The following CFAP58 variants were observed in gnomAD, a reference collection of about 807,000 sequenced individuals.
CFAP58 encodes cilia- and flagella-associated protein 58.
In CFAP58, 88 loss-of-function variants were observed where a neutral mutation model predicts 119.5. The ratio of observed to expected loss-of-function variants is 0.74; its 90% CI spans 0.62 to 0.88. CFAP58 has a LOEUF of 0.88. CFAP58 is among the 40% of genes least tolerant of loss of function. The pLI, the probability that CFAP58 is intolerant of heterozygous loss-of-function variation, is 0.00. For synonymous variants in CFAP58, 365 were observed against 366.3 expected, an observed-to-expected ratio of 1.00 and a Z score of 0.04; for missense variants, 990 against 1,021.2, an observed-to-expected ratio of 0.97 and a Z score of 0.42.
At chr10:104,393,876 C>T (rs2012102327) in intron 11 of CFAP58, among the ~76,000 whole-genome samples, 2 of 152,196 alleles carry the variant, frequency 1.3e-5, no homozygotes, top group African/African-American at 2.4e-5. Context: ...CTCCCAAACT[C>T]CTCCCTGGGA....
At chr10:104,340,524 C>T in the CFAP58 span, among the ~76,000 whole-genome samples, 1 of 152,224 alleles carries the variant, frequency 6.6e-6, no homozygotes, top group East Asian at 1.9e-4. Flanking sequence ...CCCCTCCTGT[C>T]GTTTCTACAG....
Position 104,358,516 on chromosome 10 carries a change from C to A in CFAP58, c.185C>A (p.Ala62Asp). The A allele has an allele frequency of 1.2e-6, 2 of 1,614,046 alleles. No homozygotes were observed. Among genetic ancestry groups the A allele is most frequent in the Non-Finnish European group, 1.7e-6 (2 of 1,179,994 alleles). ...KSYDNEKRLM[A>D]KCRELNAEIV... ...TATGACAATGAAAAGCGTCTGATGGCCAAATGCAGAGAGCTAAATGCAGAG... is the reference window on the plus strand; with the variant it reads ...TATGACAATGAAAAGCGTCTGATGGACAAATGCAGAGAGCTAAATGCAGAG... The change falls in exon 2 of 18, where the codon GCC becomes GAC. Residue 62 changes from alanine (A) to aspartate (D), a missense_variant. By Grantham distance (126) the Ala-to-Asp change is moderately radical. Transcript: ENST00000369704.
intron 1 of CFAP58, among the ~76,000 whole-genome samples, chr10:104,357,999 A>G (rs1482912275): frequency 1.5e-5 from 2 of 134,756 alleles, no homozygotes; most frequent in Non-Finnish European, 3.2e-5. Context: ...ATATATGTAC[A>G]CATATATACA....
At chr10:104,417,691 T>C (rs1214393727) in intron 15 of CFAP58, among the ~76,000 whole-genome samples, 3 of 152,156 alleles carry the variant, frequency 2.0e-5, no homozygotes, top group East Asian at 1.9e-4. Flanking sequence ...CTCACATCGA[T>C]TGAATGCTGA....
intron 11 of CFAP58, among the ~76,000 whole-genome samples, chr10:104,397,526 G>T (rs189462836): frequency 6.6e-6 from 1 of 152,220 alleles, no homozygotes; most frequent in Non-Finnish European, 1.5e-5. Context: ...GGCAGAGACA[G>T]ACCGTAACTA....
chr10:104,380,508 C>T (rs966734744), intron 9 of CFAP58, among the ~76,000 whole-genome samples: 8 of 152,080 alleles, frequency 5.3e-5, no homozygotes, highest in African/African-American at 1.9e-4. Flanking sequence ...TGTGCAGCAT[C>T]CCTGGGCTGG....
At chr10:104,366,054 A>G (rs753140294) in intron 5 of CFAP58, 46 bp downstream of exon 5, 17 of 1,457,750 alleles carry the variant, frequency 1.2e-5, no homozygotes, top group South Asian at 1.1e-4. Flanking sequence ...AAAACCCAGA[A>G]TGGCACCTTT....
chr10:104,394,758 T>C (rs2063880539), intron 11 of CFAP58, among the ~76,000 whole-genome samples: 1 of 152,206 alleles, frequency 6.6e-6, no homozygotes, highest in Non-Finnish European at 1.5e-5. Context: ...TATAAAGAAA[T>C]ATACATATAT....
chr10:104,375,436 C>T (rs1267370378), intron 7 of CFAP58, among the ~76,000 whole-genome samples: 5 of 152,030 alleles, frequency 3.3e-5, no homozygotes, highest in African/African-American at 7.2e-5. Context: ...AGCAAGTGGC[C>T]GGGTGCAGTA....
chr10:104,447,681 G>T lies in CFAP58; in HGVS notation c.2257-17G>T. The stretch of plus-strand genomic sequence containing the variant: ...ACGGGGCTGTTTATCTCTGCTCCTG[G>T]TTCTGCTCTCCACTAGGAAAAGGAG... On this transcript the variant is annotated splice_polypyrimidine_tract_variant and intron_variant, in intron 15 of 17. Transcript: ENST00000369704. The T allele has an allele frequency of 6.2e-7, 1 of 1,613,242 alleles. No homozygotes were observed. Among genetic ancestry groups the T allele is most frequent in the Non-Finnish European group, 8.5e-7 (1 of 1,179,584 alleles).
intron 7 of CFAP58, among the ~76,000 whole-genome samples, chr10:104,373,639 A>C (rs2014852571): frequency 2.0e-5 from 3 of 152,150 alleles, no homozygotes; most frequent in African/African-American, 7.2e-5. Flanking sequence ...TGGGTGACAG[A>C]GCAAGTCTCT....
intron 9 of CFAP58, among the ~76,000 whole-genome samples, chr10:104,381,033 C>T (rs547408289): frequency 1.3e-5 from 2 of 152,118 alleles, no homozygotes; most frequent in Non-Finnish European, 2.9e-5. Context: ...TCCTATGATC[C>T]CAACTACTTG....
At chr10:104,399,979 A>T (rs1208541133) in intron 12 of CFAP58, among the ~76,000 whole-genome samples, 1 of 152,172 alleles carries the variant, frequency 6.6e-6, no homozygotes, top group Non-Finnish European at 1.5e-5. Flanking sequence ...AACTGCTCTG[A>T]GGGACCTGGC....
At chr10:104,345,039 C>T in the CFAP58 span, among the ~76,000 whole-genome samples, 6 of 151,966 alleles carry the variant, frequency 3.9e-5, no homozygotes, top group South Asian at 4.1e-4. Flanking sequence ...CCCAGCTACT[C>T]GGGAGGCTGA....
intron 4 of CFAP58, 70 bp downstream of exon 4, chr10:104,364,959 T>G: frequency 6.7e-7 from 1 of 1,499,140 alleles, no homozygotes; most frequent in Non-Finnish European, 9.0e-7. Context: ...CAGTCTCTAT[T>G]CCCATCTTGC....
intron 1 of CFAP58, among the ~76,000 whole-genome samples, chr10:104,358,068 CATATGTACATATATATACACACATAT>C (rs2014614768): frequency 7.2e-6 from 1 of 139,198 alleles, no homozygotes; most frequent in South Asian, 2.2e-4. Flanking sequence ...CATATATACA[CATATGTACATATATATACACACATAT>C]ATATGTACAT....
intron 5 of CFAP58, 131 bp from the exon 6 acceptor site, chr10:104,368,292 A>T: frequency 1.3e-6 from 1 of 768,344 alleles, no homozygotes. Context: ...GGAATAAAGA[A>T]CAATTTCTAC....
chr10:104,425,885 G>A (rs565898301), intron 15 of CFAP58, among the ~76,000 whole-genome samples: 2 of 152,322 alleles, frequency 1.3e-5, no homozygotes, highest in African/African-American at 4.8e-5. Context: ...TACTGAGGAT[G>A]TTGGTAAGGG....
At chr10:104,405,486 A>G (rs1196390737) in intron 14 of CFAP58, among the ~76,000 whole-genome samples, 1 of 152,274 alleles carries the variant, frequency 6.6e-6, no homozygotes, top group Non-Finnish European at 1.5e-5. Context: ...TCTGGGAGGC[A>G]GTTGAAAATA....
Sources: gnomAD v4.1 joint callset for allele counts (sites outside exome capture counted in the v4.1 genomes callset) on GRCh38, gnomAD v4.1.1 for gene constraint, MANE v1.5 for transcripts, NCBI Gene and HGNC (gene_info 2026-07-23, HGNC 2026-07-21) for gene names.